Variants in ADGRL3 observed in about 807,000 individuals in gnomAD.
ADGRL3 encodes calcium-independent alpha-latrotoxin receptor 3.
In ADGRL3, 62 loss-of-function variants were observed where a neutral mutation model predicts 153.5. The ratio of observed to expected loss-of-function variants is 0.40; its 90% confidence interval spans 0.33 to 0.50. The LOEUF is 0.50. Ranked by LOEUF, ADGRL3 falls within the 20% of genes least tolerant of loss-of-function variation. ADGRL3 has a pLI of 0.47. For synonymous variants in ADGRL3, 710 were observed against 672.5 expected (o/e 1.06, Z -0.86); for missense variants, 1,641 against 1,859.4 (o/e 0.88, Z 2.16).
chr4:61,851,615 A>AAAG (rs1270882262), intron 9 of ADGRL3, among the ~76,000 whole-genome samples: 5 of 147,568 alleles, frequency 3.4e-5, no homozygotes, highest in African/African-American at 1.3e-4. Flanking sequence ...AAAAAAAAAA[A>AAAG]TTGAGGCTTT....
intron 1 of ADGRL3, among the ~76,000 whole-genome samples, chr4:61,319,674 AATAATTATTAATGATG>A (rs1394332911): frequency 7.2e-5 from 11 of 152,318 alleles, no homozygotes; most frequent in Middle Eastern, 3.4e-3. Flanking sequence ...GTCAAATGAG[AATAATTATTAATGATG>A]TTGTTTGTAA....
At chr4:61,366,314 T>G (rs1035793629) in intron 1 of ADGRL3, among the ~76,000 whole-genome samples, 1 of 152,178 alleles carries the variant, frequency 6.6e-6, no homozygotes, top group African/African-American at 2.4e-5. Flanking sequence ...TGCATAAACA[T>G]CAATGTCTAT....
chr4:61,456,017 C>T (rs981546884), intron 2 of ADGRL3, among the ~76,000 whole-genome samples: 1 of 151,648 alleles, frequency 6.6e-6, no homozygotes, highest in Non-Finnish European at 1.5e-5. Context: ...GGTTTCTCCA[C>T]GTTGGCCAGG....
At chr4:61,772,304 C>A (rs776918048) in intron 8 of ADGRL3, among the ~76,000 whole-genome samples, 1 of 152,174 alleles carries the variant, frequency 6.6e-6, no homozygotes, top group African/African-American at 2.4e-5. Flanking sequence ...AGTAAGAATT[C>A]TTTGCTGGCT....
At chr4:61,511,823 G>A (rs78536221) in intron 3 of ADGRL3, among the ~76,000 whole-genome samples, 4,197 of 152,188 alleles carry the variant, frequency 0.028, 150 homozygotes, top group African/African-American at 0.082. Context: ...CTCTGTGTTA[G>A]GACTTTCATG....
chr4:61,972,008 G>GT (rs1326554093), intron 17 of ADGRL3, among the ~76,000 whole-genome samples: 4 of 151,766 alleles, frequency 2.6e-5, no homozygotes, highest in African/African-American at 4.8e-5. Context: ...GGGGTTGTTT[G>GT]TTTTTTTCTT....
intron 2 of ADGRL3, among the ~76,000 whole-genome samples, chr4:61,482,502 A>G (rs2098141752): frequency 6.6e-6 from 1 of 152,168 alleles, no homozygotes. Flanking sequence ...TTACTGTGGA[A>G]CCTAGGTGCT....
At chr4:61,679,023 C>T (rs1312866869) in intron 6 of ADGRL3, among the ~76,000 whole-genome samples, 1 of 151,920 alleles carries the variant, frequency 6.6e-6, no homozygotes, top group East Asian at 1.9e-4. Context: ...TTTTGTGTTG[C>T]TATAAAGGAA....
At chr4:61,839,764 T>A (rs1214409856) in intron 9 of ADGRL3, among the ~76,000 whole-genome samples, 1 of 151,432 alleles carries the variant, frequency 6.6e-6, no homozygotes, top group Non-Finnish European at 1.5e-5. Flanking sequence ...TGAGACCCTG[T>A]CTCTGCCCAC....
At position 61,432,602 on chromosome 4, in the gene ADGRL3, CTTTCTTTCTTTCTTTCTTTCT is replaced by C. The variant is rs1156361566; in HGVS notation, c.-174+49416_-174+49436del. ...TCTTTCTTTCTTTCTTTCTTTCTTT[CTTTCTTTCTTTCTTTCTTTCT>C]TTCTTTCTTTCTTTCTTTCTTTCTT... On this transcript the variant is annotated intron_variant, in intron 2 of 26. Transcript: ENST00000683033. Among the ~76,000 whole-genome samples the C allele has an allele frequency of 4.5e-4, 25 of 55,810 alleles. 5 individuals are homozygous for C. The highest frequency in any genetic ancestry group is 1.7e-3 in the African/African-American group (23 of 13,704). 36.6% of individuals were successfully genotyped at this position (55,810 alleles called of 152,430 possible).
At chr4:61,728,488 T>C (rs1351235614) in intron 6 of ADGRL3, among the ~76,000 whole-genome samples, 2 of 152,108 alleles carry the variant, frequency 1.3e-5, no homozygotes, top group African/African-American at 4.8e-5. Flanking sequence ...ACTTTTTTGT[T>C]ACATAGCCTG....
chr4:61,979,490 A>T (rs1475237577), intron 17 of ADGRL3, 73 bp from the exon 18 acceptor site: 1 of 1,192,126 alleles, frequency 8.4e-7, no homozygotes, highest in Non-Finnish European at 1.3e-6. Flanking sequence ...TGCTTTGTGC[A>T]TCCAGGCCCT....
chr4:61,475,757 G>A (rs1560697153), intron 2 of ADGRL3, among the ~76,000 whole-genome samples: 1 of 152,118 alleles, frequency 6.6e-6, no homozygotes, highest in Admixed American at 6.6e-5. Context: ...AGTGATAAAG[G>A]AAGCTTCTAA....
At chr4:61,649,329 T>A (rs1253458275) in intron 5 of ADGRL3, among the ~76,000 whole-genome samples, 1 of 152,120 alleles carries the variant, frequency 6.6e-6, no homozygotes, top group Non-Finnish European at 1.5e-5. Flanking sequence ...GGTTTATAAT[T>A]AATTCATTCT....
intron 5 of ADGRL3, among the ~76,000 whole-genome samples, chr4:61,642,623 C>T (rs2093737186): frequency 6.6e-6 from 1 of 152,068 alleles, no homozygotes; most frequent in African/African-American, 2.4e-5. Flanking sequence ...TTTCTGAGGG[C>T]TCTGTTCTGT....
intron 13 of ADGRL3, among the ~76,000 whole-genome samples, chr4:61,926,298 A>T (rs1319873579): frequency 6.6e-6 from 1 of 152,252 alleles, no homozygotes; most frequent in Middle Eastern, 3.4e-3. Flanking sequence ...TGAATTTACT[A>T]TGTTACTCAT....
intron 1 of ADGRL3, among the ~76,000 whole-genome samples, chr4:61,299,626 T>G (rs1466952326): frequency 6.6e-6 from 1 of 152,212 alleles, no homozygotes; most frequent in Non-Finnish European, 1.5e-5. Context: ...AATGTGGGGC[T>G]TTATATTAAT....
At chr4:61,850,645 A>C (rs2098191336) in intron 9 of ADGRL3, among the ~76,000 whole-genome samples, 1 of 152,172 alleles carries the variant, frequency 6.6e-6, no homozygotes, top group African/African-American at 2.4e-5. Context: ...GATCTTTTCT[A>C]AACAGCATTT....
chr4:61,551,504 T>C (rs2098740310), intron 4 of ADGRL3, among the ~76,000 whole-genome samples: 1 of 152,156 alleles, frequency 6.6e-6, no homozygotes, highest in Admixed American at 6.5e-5. Context: ...AATTGAAGAA[T>C]CCAGCATTTT....
Sources: allele counts gnomAD v4.1 joint callset (sites outside exome capture counted in the v4.1 genomes callset), GRCh38; gene constraint gnomAD v4.1.1; transcripts MANE v1.5; gene names NCBI Gene and HGNC (gene_info 2026-07-23, HGNC 2026-07-21).